BCL7A: variants seen among roughly 807,000 people sequenced by gnomAD.
BCL7A encodes the protein BAF chromatin remodeling complex subunit BCL7A.
Under a neutral mutation model 28.4 loss-of-function variants are expected in BCL7A, and 11 were observed. The observed-to-expected ratio is 0.39, with a 90% CI of 0.24 to 0.64. The LOEUF (loss-of-function observed/expected upper bound fraction) is 0.64, where lower values mean the gene tolerates loss of function less well. Among genes scored for constraint, BCL7A ranks in the 30% least tolerant of loss-of-function variants. The probability of loss-of-function intolerance (pLI) is 0.50; values close to 1 mark genes in which losing one functional copy is unlikely to be tolerated. For synonymous variants in BCL7A, 123 were observed against 103.3 expected (o/e 1.19, Z -1.15); for missense variants, 222 against 274.8 (o/e 0.81, Z 1.36).
rs192146143 is a variant in BCL7A at position 122,028,780 on chromosome 12, G to A, written c.93-1920G>A. Among the ~76,000 whole-genome samples the A allele has an allele frequency of 3.9e-3, 584 of 148,828 alleles. 2 individuals carry two copies. Among genetic ancestry groups the A allele is most frequent in the Middle Eastern group, 0.01 (3 of 294 alleles). ...GTTGGGAATCCCAGGGAGAGAGGGT[G>A]TGTAAGTAGAGTGCTTGGCGTGGAG... is the stretch of plus-strand genomic sequence containing the variant. On this transcript the variant is annotated intron_variant, in intron 1 of 5. Coordinates refer to ENST00000261822, the MANE Select transcript of BCL7A (RefSeq NM_001024808.3).
rs1951901640 is a variant in BCL7A, at chr12:122,059,408, C to G, written c.*245C>G. 2.2e-6 allele frequency: 1 copy of G among 451,618 alleles called. No homozygotes were observed. The highest frequency in any genetic ancestry group is 4.0e-6 in the Non-Finnish European group (1 of 246,998). 28.0% of individuals were successfully genotyped at this position (451,618 alleles called of 1,614,324 possible). A position where few individuals can be genotyped will look rare whatever the true frequency, so the allele number is the denominator to read the frequency against. On this transcript the variant is annotated 3_prime_UTR_variant, in exon 6 of 6. Coordinates refer to ENST00000261822, the MANE Select transcript of BCL7A (RefSeq NM_001024808.3). This position sits in a 1 kb window ranked among gnomAD's most constrained non-coding sequence, Gnocchi z 4.0. ...TTGGGGAGGCAGGCGGGGCTGACAG[C>G]TCAGGAGTGTCTGCACACTGTCTCG...
intron 4 of BCL7A, among the ~76,000 whole-genome samples, chr12:122,053,141 G>A (rs1055391887): frequency 2.0e-5 from 3 of 152,034 alleles, no homozygotes; most frequent in Non-Finnish European, 4.4e-5. Context: ...GATTACAGGC[G>A]TGCACCACCA....
At chr12:122,046,297 G>T (rs117212901) in intron 4 of BCL7A, among the ~76,000 whole-genome samples, 1 of 152,082 alleles carries the variant, frequency 6.6e-6, no homozygotes, top group African/African-American at 2.4e-5. Context: ...GGTCTGGAGC[G>T]CCTTGCACAC....
At chr12:122,024,238 G>A (rs558447688) in intron 1 of BCL7A, among the ~76,000 whole-genome samples, 4 of 152,322 alleles carry the variant, frequency 2.6e-5, no homozygotes, top group East Asian at 3.9e-4. Flanking sequence ...TCATGGTCCA[G>A]CTTCCAGTTC....
intron 1 of BCL7A, among the ~76,000 whole-genome samples, chr12:122,024,366 C>A (rs1281294531): frequency 6.6e-6 from 1 of 152,132 alleles, no homozygotes; most frequent in Non-Finnish European, 1.5e-5. Context: ...GGTCATGCCT[C>A]CGAGAGCACC....
intron 1 of BCL7A, among the ~76,000 whole-genome samples, chr12:122,024,351 A>C (rs2135836105): frequency 6.6e-6 from 1 of 151,972 alleles, no homozygotes; most frequent in East Asian, 1.9e-4. Flanking sequence ...ATTGAGGACG[A>C]TTGAGGTCAT....
intron 3 of BCL7A, among the ~76,000 whole-genome samples, chr12:122,037,247 G>T (rs1387120334): frequency 6.6e-6 from 1 of 152,156 alleles, no homozygotes; most frequent in East Asian, 1.9e-4. Context: ...ACAAGAGCCT[G>T]CAACCCCTGC....
chr12:122,025,386 G>C (rs1173867526), intron 1 of BCL7A, among the ~76,000 whole-genome samples: 2 of 152,174 alleles, frequency 1.3e-5, no homozygotes, highest in African/African-American at 4.8e-5. Context: ...AGCACTCTGG[G>C]AGGCCGGGCA....
At chr12:122,036,660 T>C (rs1415174693) in intron 3 of BCL7A, among the ~76,000 whole-genome samples, 1 of 151,536 alleles carries the variant, frequency 6.6e-6, no homozygotes, top group Non-Finnish European at 1.5e-5. Flanking sequence ...GTCCTCACGG[T>C]TTTCTCCATC....
At chr12:122,040,937 A>G (rs1169424482) in intron 3 of BCL7A, among the ~76,000 whole-genome samples, 2 of 152,142 alleles carry the variant, frequency 1.3e-5, no homozygotes, top group Non-Finnish European at 2.9e-5. Flanking sequence ...TCAGGAACCT[A>G]CGGGGCCAGC....
intron 4 of BCL7A, among the ~76,000 whole-genome samples, chr12:122,047,211 G>A (rs950911437): frequency 3.3e-5 from 5 of 151,504 alleles, no homozygotes; most frequent in African/African-American, 9.7e-5. Flanking sequence ...CTATTTCTTG[G>A]TTTTTGTTTG....
chr12:122,056,651 A>G (rs1040665648), intron 5 of BCL7A, among the ~76,000 whole-genome samples: 3 of 152,060 alleles, frequency 2.0e-5, no homozygotes, highest in Non-Finnish European at 1.5e-5. Flanking sequence ...AAAAAGAAAA[A>G]GAAAATTAGC....
intron 1 of BCL7A, among the ~76,000 whole-genome samples, 187 bp downstream of exon 1, chr12:122,022,370 G>T (rs1176073866): frequency 6.9e-6 from 1 of 144,140 alleles, no homozygotes; most frequent in East Asian, 2.1e-4. Flanking sequence ...CGCCAGGCTG[G>T]GGCCGCGGCC....
chr12:122,054,920 C>A lies in BCL7A; in HGVS notation c.555C>A (p.Ile185=). The change falls in exon 5 of 6, where the codon ATC becomes ATA. Residue 185 remains isoleucine (I), a synonymous_variant. Coordinates refer to ENST00000261822, the MANE Select transcript of BCL7A (RefSeq NM_001024808.3). ...GTCTGGCCGCAGAGACGTCTGCAAT[C>A]TCTCAGGTACCTCGCTCGAGGTCTC... is the stretch of plus-strand genomic sequence containing the variant. ...DSGLAAETSA[I]SQDLEGVPPS... 2 of 1,614,216 alleles carry A rather than the reference C, an allele frequency of 1.2e-6. No homozygotes were observed. Among genetic ancestry groups the A allele is most frequent in the Non-Finnish European group, 1.7e-6 (2 of 1,180,034 alleles).
At position 122,060,975 on chromosome 12, in the gene BCL7A, C is replaced by T. The variant is rs1951916337; in HGVS notation, c.*1812C>T. The T allele has an allele frequency of 4.4e-6, 1 of 225,718 alleles. No homozygotes were observed. Among genetic ancestry groups the T allele is most frequent in the Admixed American group, 5.7e-5 (1 of 17,490 alleles). The allele number at this position is 225,718 out of a possible 1,614,324, so 14.0% of individuals were successfully genotyped here. On this transcript the variant is annotated 3_prime_UTR_variant, in exon 6 of 6. Transcript: ENST00000261822. ...GGTTTCTGTCTTAAAAAAAAAAATCCTTGTACTTATCAATTTTGCCCCTTA... is the reference window on the plus strand; with the variant it reads ...GGTTTCTGTCTTAAAAAAAAAAATCTTTGTACTTATCAATTTTGCCCCTTA...
chr12:122,038,444 A>C (rs1883901595), intron 3 of BCL7A, among the ~76,000 whole-genome samples: 1 of 150,532 alleles, frequency 6.6e-6, no homozygotes, highest in African/African-American at 2.4e-5. Flanking sequence ...AAAAAAAAAA[A>C]AAAAAAAAAA....
chr12:122,058,205 T>C (rs557984974), intron 5 of BCL7A, among the ~76,000 whole-genome samples: 13 of 151,956 alleles, frequency 8.6e-5, no homozygotes, highest in African/African-American at 2.4e-4. Context: ...TAAAAAAAAT[T>C]ATAAAAAGAA....
intron 1 of BCL7A, among the ~76,000 whole-genome samples, chr12:122,023,754 C>T (rs530324188): frequency 2.0e-5 from 3 of 152,188 alleles, no homozygotes; most frequent in African/African-American, 7.2e-5. Flanking sequence ...CAGCTGCAGG[C>T]CAACACACAC....
chr12:122,051,866 CTTTTTTTTTTTT>C (rs34244407), intron 4 of BCL7A, among the ~76,000 whole-genome samples: 1 of 80,302 alleles, frequency 1.2e-5, no homozygotes, highest in East Asian at 4.3e-4. Flanking sequence ...CTCTCTCTCT[CTTTTTTTTTTTT>C]TTTTTTTTTT....
Sources: gnomAD v4.1 joint callset for allele counts (sites outside exome capture counted in the v4.1 genomes callset) on GRCh38, gnomAD v4.1.1 for gene constraint, Gnocchi (gnomAD v3.1) non-coding constraint, MANE v1.5 for transcripts, NCBI Gene and HGNC (gene_info 2026-07-23, HGNC 2026-07-21) for gene names.